USP25: variants seen among roughly 807,000 people sequenced by gnomAD.
The protein encoded by USP25 is ubiquitin carboxyl-terminal hydrolase 25.
A neutral mutation model predicts 158.5 loss-of-function variants in USP25; 85 were observed. The ratio of observed to expected loss-of-function variants is 0.54; its 90% CI spans 0.45 to 0.64. The LOEUF is 0.64. Ranked by LOEUF, USP25 falls within the 30% of genes least tolerant of loss-of-function variation. USP25 has a pLI of 0.00. For synonymous variants in USP25, 464 were observed against 460.4 expected (o/e 1.01, Z -0.10); for missense variants, 1,242 against 1,327.3 (o/e 0.94, Z 1.00).
chr21:15,859,991 A>ATTTTT (rs58141554), intron 20 of USP25, among the ~76,000 whole-genome samples: 1 of 131,140 alleles, frequency 7.6e-6, no homozygotes, highest in Non-Finnish European at 1.6e-5. Flanking sequence ...ATATATCTAT[A>ATTTTT]TTTTTTTTTT....
intron 10 of USP25, among the ~76,000 whole-genome samples, chr21:15,821,343 C>T (rs1000564968): frequency 6.6e-6 from 1 of 151,882 alleles, no homozygotes; most frequent in African/African-American, 2.4e-5. Flanking sequence ...ATTTAATTAT[C>T]CTGTAAGGCA....
At chr21:15,770,513 T>C (rs760712189) in intron 3 of USP25, among the ~76,000 whole-genome samples, 1 of 152,090 alleles carries the variant, frequency 6.6e-6, no homozygotes, top group African/African-American at 2.4e-5. Flanking sequence ...TTGAAAAACA[T>C]AGTAGAATTA....
intron 4 of USP25, among the ~76,000 whole-genome samples, chr21:15,781,289 C>T (rs2034949034): frequency 6.6e-6 from 1 of 152,108 alleles, no homozygotes; most frequent in Non-Finnish European, 1.5e-5. Context: ...CGTAGAGTTC[C>T]TTAATTTGTA....
chr21:15,784,811 C>G (rs1232384135), intron 4 of USP25, among the ~76,000 whole-genome samples: 1 of 151,810 alleles, frequency 6.6e-6, no homozygotes, highest in Non-Finnish European at 1.5e-5. Flanking sequence ...TAGAAAACCA[C>G]CAAACCACAG....
rs753211925 is a variant in USP25 at position 15,805,238 on chromosome 21, A to T, written c.760A>T (p.Lys254Ter). The stretch of plus-strand genomic sequence containing the variant: ...AGTTGAAATTCTTAAGGATGCTTTC[A>T]AATCAAATGACTCACAGCAGGTAGT... ...RAVEILKDAF[K>*]SNDSQQQDVS... The change falls in exon 7 of 26, where the codon AAA becomes TAA. Residue 254 changes from lysine (K) to a stop codon, truncating the protein, a stop_gained. Transcript: ENST00000400183. LOFTEE classifies it high-confidence loss of function. The T allele has an allele frequency of 1.2e-6, 2 of 1,602,410 alleles. No homozygotes were observed. The highest frequency in any genetic ancestry group is 1.7e-6 in the Non-Finnish European group (2 of 1,176,052).
intron 15 of USP25, among the ~76,000 whole-genome samples, 189 bp downstream of exon 15, chr21:15,830,790 T>A (rs2037762859): frequency 1.3e-5 from 2 of 152,174 alleles, no homozygotes; most frequent in East Asian, 3.8e-4. Flanking sequence ...GAAACTTTTA[T>A]AACAAATTTA....
intron 1 of USP25, among the ~76,000 whole-genome samples, chr21:15,739,286 T>C (rs1043964817): frequency 3.3e-5 from 5 of 152,200 alleles, no homozygotes; most frequent in Non-Finnish European, 7.3e-5. Flanking sequence ...AGTTACCTAC[T>C]TTTGTACCTC....
In USP25 at chr21:15,870,103, A is replaced by C. The variant is rs1212187597; in HGVS notation, c.2841A>C (p.Thr947=). Reference sequence around the variant, plus strand: ...AGGATTATAGGAAATTCAGGGAAACAACTATGTATCTCATAATTGGGCTAG... The same window carrying C: ...AGGATTATAGGAAATTCAGGGAAACCACTATGTATCTCATAATTGGGCTAG... ...WHQDYRKFRE[T]TMYLIIGLEN... The change falls in exon 23 of 26, where the codon ACA becomes ACC. Residue 947 remains threonine (T), a synonymous_variant. Transcript: ENST00000400183. The C allele has an allele frequency of 2.5e-6, 4 of 1,610,648 alleles. No homozygotes were observed. Among genetic ancestry groups the C allele is most frequent in the Non-Finnish European group, 3.4e-6 (4 of 1,178,450 alleles).
intron 1 of USP25, among the ~76,000 whole-genome samples, chr21:15,743,151 G>A (rs909086588): frequency 3.3e-5 from 5 of 152,220 alleles, no homozygotes; most frequent in Admixed American, 3.3e-4. Context: ...GTGAATGGGG[G>A]TGTATTATGG....
intron 3 of USP25, among the ~76,000 whole-genome samples, chr21:15,769,259 G>C (rs1226140608): frequency 2.0e-5 from 3 of 151,764 alleles, no homozygotes; most frequent in African/African-American, 7.3e-5. Flanking sequence ...ATGCCTTTTT[G>C]GTGTACTTTT....
chr21:15,843,611 A>G lies in USP25; in HGVS notation c.2337+1071A>G, dbSNP rs908240932. ...ATATTTGATGATTCCAAATTTTGCAAATGCCTTAGAAGCTTTAAATGAATT... is the reference window on the plus strand; with the variant it reads ...ATATTTGATGATTCCAAATTTTGCAGATGCCTTAGAAGCTTTAAATGAATT... On this transcript the variant is annotated intron_variant, in intron 18 of 25. Transcript: ENST00000400183. The surrounding 1 kb of genome is among the most constrained non-coding windows in gnomAD (Gnocchi z 4.0). Among the ~76,000 whole-genome samples, 7 of 152,186 alleles carry G rather than the reference A, an allele frequency of 4.6e-5. No homozygotes were observed. Among genetic ancestry groups the G allele is most frequent in the Non-Finnish European group, 7.4e-5 (5 of 68,018 alleles).
At position 15,830,487 on chromosome 21, in the gene USP25, A is replaced by T. The variant is rs372403786; in HGVS notation, c.1694-44A>T. On this transcript the variant is annotated intron_variant, in intron 14 of 25. Coordinates refer to ENST00000400183, the MANE Select transcript of USP25 (RefSeq NM_001283041.3). ...CATTAGTCCTTATCTTATAAGTAGA[A>T]ACACATTTGCTGTTAATCATTAAAT... 9.2e-6 allele frequency: 14 copies of T among 1,521,124 alleles called. No homozygotes were observed. The African/African-American group carries it at 1.8e-4, about 20-fold the overall frequency. The allele number at this position is 1,521,124 out of a possible 1,614,324, so 94.2% of individuals were successfully genotyped here.
At chr21:15,876,557 G>A (rs915037081) in intron 24 of USP25, 1 of 166,540 alleles carries the variant, frequency 6.0e-6, no homozygotes, top group Non-Finnish European at 1.3e-5. Flanking sequence ...GCAGGAGAGA[G>A]AAGTGCAAGC....
chr21:15,806,181 G>A (rs533209483), intron 7 of USP25, among the ~76,000 whole-genome samples: 6 of 152,216 alleles, frequency 3.9e-5, no homozygotes, highest in African/African-American at 1.4e-4. Flanking sequence ...TACTCGCTCT[G>A]TCATGGTAAC....
chr21:15,771,561 C>T (rs191179139), intron 3 of USP25, among the ~76,000 whole-genome samples: 1 of 152,174 alleles, frequency 6.6e-6, no homozygotes, highest in Non-Finnish European at 1.5e-5. Context: ...GCTGAATGAG[C>T]GAGGGTAGGA....
intron 23 of USP25, among the ~76,000 whole-genome samples, chr21:15,872,951 T>C (rs973315177): frequency 2.0e-5 from 3 of 152,112 alleles, no homozygotes; most frequent in Non-Finnish European, 2.9e-5. Context: ...TGAAAAAATA[T>C]ATTAATGAAA....
intron 7 of USP25, among the ~76,000 whole-genome samples, chr21:15,807,836 A>G (rs963041837): frequency 1.3e-5 from 2 of 152,184 alleles, no homozygotes; most frequent in East Asian, 3.9e-4. Flanking sequence ...AGGTGGACAT[A>G]TATTTTTGCA....
At chr21:15,742,910 T>G (rs2032193264) in intron 1 of USP25, among the ~76,000 whole-genome samples, 2 of 152,186 alleles carry the variant, frequency 1.3e-5, no homozygotes, top group Admixed American at 1.3e-4. Flanking sequence ...GTATACCGCA[T>G]GTGGCTTCCA....
chr21:15,869,540 T>C (rs761213923), intron 22 of USP25, among the ~76,000 whole-genome samples: 1 of 152,124 alleles, frequency 6.6e-6, no homozygotes, highest in Non-Finnish European at 1.5e-5. Context: ...AGTTATTCTT[T>C]TACCATATCT....
Sources: allele counts gnomAD v4.1 joint callset (sites outside exome capture counted in the v4.1 genomes callset), GRCh38; gene constraint gnomAD v4.1.1; non-coding constraint Gnocchi (gnomAD v3.1); transcripts MANE v1.5; gene names NCBI Gene and HGNC (gene_info 2026-07-23, HGNC 2026-07-21).